The following ZC3H3 variants were observed in gnomAD, a reference collection of about 807,000 sequenced individuals.
ZC3H3 encodes the protein zinc finger CCCH-type containing 3.
Under a neutral mutation model 77.3 loss-of-function variants are expected in ZC3H3, and 36 were observed. The observed-to-expected ratio is 0.47, with a 90% confidence interval of 0.36 to 0.61. The LOEUF is 0.61. Ranked by LOEUF, ZC3H3 falls within the 20% of genes least tolerant of loss-of-function variation. ZC3H3 has a pLI of 0.00. For missense variants in ZC3H3, 1,331 were observed against 1,312.2 expected, an observed-to-expected ratio of 1.01 and a Z score of -0.22; for synonymous variants, 626 against 555.2, an observed-to-expected ratio of 1.13 and a Z score of -1.79.
At chr8:143,446,321 TTAAAA>T (rs1403479898) in intron 9 of ZC3H3, among the ~76,000 whole-genome samples, 2 of 152,244 alleles carry the variant, frequency 1.3e-5, no homozygotes, top group Non-Finnish European at 2.9e-5. Context: ...ACTATGTCCG[TTAAAA>T]TCAAGAACTT....
chr8:143,463,679 C>T (rs1164211971), intron 9 of ZC3H3, among the ~76,000 whole-genome samples: 1 of 152,236 alleles, frequency 6.6e-6, no homozygotes, highest in African/African-American at 2.4e-5. Context: ...GAGCGAGCGC[C>T]TGAGGCAAGG....
intron 9 of ZC3H3, among the ~76,000 whole-genome samples, chr8:143,441,503 G>A (rs745571360): frequency 5.3e-5 from 8 of 152,186 alleles, no homozygotes; most frequent in Non-Finnish European, 1.0e-4. Flanking sequence ...GAAGGTGGGT[G>A]TGGCTAGAGA....
chr8:143,461,080 T>TA (rs1164693892), intron 9 of ZC3H3, among the ~76,000 whole-genome samples: 19 of 152,128 alleles, frequency 1.2e-4, no homozygotes, highest in Non-Finnish European at 2.6e-4. Context: ...TTTTGACGCT[T>TA]AAAAATGGTC....
At chr8:143,473,239 C>A (rs1010657753) in intron 5 of ZC3H3, among the ~76,000 whole-genome samples, 1 of 152,148 alleles carries the variant, frequency 6.6e-6, no homozygotes, top group Admixed American at 6.5e-5. Flanking sequence ...CAGGGTCCTG[C>A]GATGCCTCAC....
At chr8:143,442,913 T>G (rs1819783181) in intron 9 of ZC3H3, among the ~76,000 whole-genome samples, 1 of 152,212 alleles carries the variant, frequency 6.6e-6, no homozygotes, top group African/African-American at 2.4e-5. Context: ...GACTCATCCA[T>G]GTCTGTACTG....
At chr8:143,498,506 G>A (rs1175298311) in intron 4 of ZC3H3, among the ~76,000 whole-genome samples, 1 of 152,084 alleles carries the variant, frequency 6.6e-6, no homozygotes, top group Non-Finnish European at 1.5e-5. Context: ...AGGCTGTGGT[G>A]GCTCCAGGAT....
rs1563848662 is a variant in ZC3H3, at chr8:143,475,509, T to C, written c.1792A>G (p.Ser598Gly). The C allele has an allele frequency of 1.2e-6, 2 of 1,612,574 alleles. No individual in the cohort carries two copies. The highest frequency in any genetic ancestry group is 1.7e-6 in the Non-Finnish European group (2 of 1,179,806). ...CCTCCGATGCAGCGGTAGCCTTTGCTCCGCCACCAAGGGGAGCCCGGTTGG... is the reference window on the plus strand; with the variant it reads ...CCTCCGATGCAGCGGTAGCCTTTGCCCCGCCACCAAGGGGAGCCCGGTTGG... ...KAQPGSPWWRSKGYRCIGGVL... is the reference protein window; with the variant it reads ...KAQPGSPWWRGKGYRCIGGVL... Residue 598 changes from serine (S) to glycine (G), a missense_variant, in exon 5 of 12, where the codon AGC (serine) becomes GGC (glycine). Coordinates refer to ENST00000262577, the MANE Select transcript of ZC3H3 (RefSeq NM_015117.3).
At chr8:143,526,051 A>G (rs987468492) in intron 3 of ZC3H3, among the ~76,000 whole-genome samples, 2 of 152,218 alleles carry the variant, frequency 1.3e-5, no homozygotes, top group African/African-American at 4.8e-5. Flanking sequence ...CACAGCCACC[A>G]TAGTTCAAGT....
At chr8:143,514,347 G>A (rs540472723) in intron 3 of ZC3H3, among the ~76,000 whole-genome samples, 2 of 152,284 alleles carry the variant, frequency 1.3e-5, no homozygotes, top group South Asian at 4.1e-4. Flanking sequence ...CCTGGCTCGG[G>A]CCCTGGTCTC....
chr8:143,519,416 T>C (rs1371662463), intron 3 of ZC3H3, among the ~76,000 whole-genome samples: 1 of 151,996 alleles, frequency 6.6e-6, no homozygotes, highest in African/African-American at 2.4e-5. Flanking sequence ...GGTTGGGAGC[T>C]CATCTTTCGG....
Position 143,538,121 on chromosome 8 carries a change from A to T in ZC3H3, c.1246T>A (p.Ser416Thr). The change falls in exon 2 of 12, where the codon TCG (serine) becomes ACG (threonine). Residue 416 changes from serine to threonine, a missense_variant. Physicochemically the swap from Ser to Thr is moderately conservative, Grantham distance 58 (BLOSUM62 1). Coordinates refer to ENST00000262577, the MANE Select transcript of ZC3H3 (RefSeq NM_015117.3). ...TGTCCTACTGCTGGTCTGTCCCCCGACGGGGACCTAGACAGGACTGGGGAG... is the reference window on the plus strand; with the variant it reads ...TGTCCTACTGCTGGTCTGTCCCCCGTCGGGGACCTAGACAGGACTGGGGAG... Reference protein sequence around the residue: ...QLSPVLSRSPSGDRPAVGHSG... With the variant: ...QLSPVLSRSPTGDRPAVGHSG... 1 of 1,613,108 alleles carries T rather than the reference A, an allele frequency of 6.2e-7. No individual in the cohort carries two copies. The highest frequency in any genetic ancestry group is 1.3e-5 in the African/African-American group (1 of 75,046).
intron 3 of ZC3H3, among the ~76,000 whole-genome samples, chr8:143,508,391 T>A (rs1319594169): frequency 6.6e-6 from 1 of 152,164 alleles, no homozygotes; most frequent in East Asian, 1.9e-4. Context: ...AGCACTCACC[T>A]CCTCAAGCGG....
chr8:143,506,304 C>T (rs1014486988), intron 4 of ZC3H3, among the ~76,000 whole-genome samples: 1 of 152,244 alleles, frequency 6.6e-6, no homozygotes, highest in Admixed American at 6.5e-5. Context: ...ACGACGACCA[C>T]AGGACGGGAA....
intron 3 of ZC3H3, among the ~76,000 whole-genome samples, chr8:143,526,073 T>C (rs34472984): frequency 0.028 from 4,251 of 152,320 alleles, 183 homozygotes; most frequent in African/African-American, 0.096. Context: ...CACCCAGGGC[T>C]ACACCAAAAC....
rs1233596915 is a variant in ZC3H3, at chr8:143,493,223, C to T, written c.1715+14523G>A. Among the ~76,000 whole-genome samples the T allele has an allele frequency of 6.6e-6, 1 of 152,122 alleles. No individual in the cohort carries two copies. The highest frequency in any genetic ancestry group is 1.5e-5 in the Non-Finnish European group (1 of 68,006). On this transcript the variant is annotated intron_variant, in intron 4 of 11. Coordinates refer to ENST00000262577, the MANE Select transcript of ZC3H3 (RefSeq NM_015117.3). The surrounding 1 kb of genome is among the most constrained non-coding windows in gnomAD (Gnocchi z 4.8). Reference sequence around the variant, plus strand: ...TCCCGTGTCCTGGCCCAGGGGCTCCCTCCTCAGGGTCCTGTGTCCTGGCCC... The same window carrying T: ...TCCCGTGTCCTGGCCCAGGGGCTCCTTCCTCAGGGTCCTGTGTCCTGGCCC...
chr8:143,481,782 C>T (rs533097829), intron 4 of ZC3H3, among the ~76,000 whole-genome samples: 2 of 152,374 alleles, frequency 1.3e-5, no homozygotes, highest in South Asian at 2.1e-4. Flanking sequence ...AGCCAGGCCC[C>T]GCAGCCAGTG....
rs771128061 is a variant in ZC3H3, at chr8:143,440,188, C to A, written c.2668G>T (p.Ala890Ser). Residue 890 changes from alanine to serine, a missense_variant, in exon 11 of 12, where the codon GCA becomes TCA. Around this residue, in one of 3 missense-constraint regions of ZC3H3, gnomAD observed 249 missense variants for 236.9 expected, o/e 1.05. Transcript: ENST00000262577. ...AAGGCAGCCTCCTGGAGAGATGGTG[C>A]CTCGTGGTCCAAGGAAGCGGGAGGG... is the stretch of plus-strand genomic sequence containing the variant. ...SSPPASLDHE[A>S]PSLQEAALAA... 11 of 1,611,562 alleles carry A rather than the reference C, an allele frequency of 6.8e-6. No individual in the cohort carries two copies. Among genetic ancestry groups the A allele is most frequent in the Non-Finnish European group, 8.5e-6 (10 of 1,179,564 alleles).
At chr8:143,473,480 C>T (rs541802013) in intron 5 of ZC3H3, among the ~76,000 whole-genome samples, 1 of 152,264 alleles carries the variant, frequency 6.6e-6, no homozygotes, top group Admixed American at 6.5e-5. Context: ...ATGGGAGATG[C>T]AGGGCACCCT....
chr8:143,441,482 A>G (rs1412378995), intron 9 of ZC3H3, among the ~76,000 whole-genome samples: 1 of 152,038 alleles, frequency 6.6e-6, no homozygotes, highest in Non-Finnish European at 1.5e-5. Flanking sequence ...GGCAGCACAG[A>G]GGGAGCCCGG....
Sources: allele counts gnomAD v4.1 joint callset (sites outside exome capture counted in the v4.1 genomes callset), GRCh38; gene constraint gnomAD v4.1.1; regional missense constraint gnomAD v4.1.1; non-coding constraint Gnocchi (gnomAD v3.1); transcripts MANE v1.5; gene names NCBI Gene and HGNC (gene_info 2026-07-23, HGNC 2026-07-21).